The following RSRC1 variants were observed in gnomAD, a reference collection of about 807,000 sequenced individuals.
The protein encoded by RSRC1 is serine/Arginine-related protein 53.
RSRC1 carries 39 observed loss-of-function variants against 49.1 expected under a neutral mutation model. That is an observed-to-expected ratio of 0.79 (90% CI 0.61 to 1.04). RSRC1 has a LOEUF of 1.04. Ranked by LOEUF, RSRC1 falls within the 50% of genes least tolerant of loss-of-function variation. The pLI, the probability that RSRC1 is intolerant of heterozygous loss-of-function variation, is 0.00. For missense variants in RSRC1, 388 were observed against 402.4 expected (o/e 0.96, Z 0.31); for synonymous variants, 143 against 130.8 (o/e 1.09, Z -0.63).
chr3:158,384,618 G>A (rs148953173), intron 6 of RSRC1, among the ~76,000 whole-genome samples: 108 of 152,248 alleles, frequency 7.1e-4, no homozygotes, highest in Non-Finnish European at 1.4e-3. Context: ...CCTGAAAAAG[G>A]AAAGGGAAGA....
At chr3:158,238,663 T>A (rs562066867) in intron 4 of RSRC1, among the ~76,000 whole-genome samples, 4 of 152,300 alleles carry the variant, frequency 2.6e-5, no homozygotes, top group Non-Finnish European at 4.4e-5. Flanking sequence ...TGGCTAGCCA[T>A]ATGTAGAAAG....
intron 6 of RSRC1, among the ~76,000 whole-genome samples, chr3:158,380,440 C>T (rs935803203): frequency 6.6e-6 from 1 of 152,118 alleles, no homozygotes; most frequent in Non-Finnish European, 1.5e-5. Context: ...ATAGCCACTG[C>T]ACTCCAGCCT....
intron 4 of RSRC1, among the ~76,000 whole-genome samples, chr3:158,257,507 T>A (rs1361745909): frequency 6.6e-6 from 1 of 152,176 alleles, no homozygotes; most frequent in Admixed American, 6.6e-5. Flanking sequence ...TTTTCCTCCC[T>A]TTATTTTCAG....
intron 6 of RSRC1, among the ~76,000 whole-genome samples, chr3:158,407,886 G>A (rs1008867012): frequency 6.6e-6 from 1 of 152,078 alleles, no homozygotes; most frequent in African/African-American, 2.4e-5. Flanking sequence ...ACAGATCATA[G>A]AATTCTTGGG....
At chr3:158,214,696 A>G (rs1721861023) in intron 4 of RSRC1, among the ~76,000 whole-genome samples, 1 of 151,860 alleles carries the variant, frequency 6.6e-6, no homozygotes, top group Non-Finnish European at 1.5e-5. Flanking sequence ...TGGATTATTT[A>G]GATATGAAAT....
intron 1 of RSRC1, 58 bp from the exon 2 acceptor site, chr3:158,122,045 C>A: frequency 2.2e-6 from 2 of 925,066 alleles, no homozygotes; most frequent in South Asian, 2.8e-5. Context: ...TAATATATTG[C>A]ATTTCATCCA....
chr3:158,290,527 G>A (rs906278475), intron 4 of RSRC1, among the ~76,000 whole-genome samples: 2 of 151,800 alleles, frequency 1.3e-5, no homozygotes, highest in Admixed American at 1.3e-4. Flanking sequence ...CGCCCACCTT[G>A]GCCTCCCAAA....
chr3:158,383,170 G>A (rs1732793202), intron 6 of RSRC1, among the ~76,000 whole-genome samples: 1 of 152,102 alleles, frequency 6.6e-6, no homozygotes, highest in South Asian at 2.1e-4. Context: ...ACCCCTTAAG[G>A]ACATCGCTGT....
At chr3:158,217,764 G>A (rs1269543663) in intron 4 of RSRC1, among the ~76,000 whole-genome samples, 1 of 113,160 alleles carries the variant, frequency 8.8e-6, no homozygotes, top group Non-Finnish European at 1.9e-5. Context: ...GTGTGTGTGT[G>A]TGGGGGGGGA....
intron 4 of RSRC1, among the ~76,000 whole-genome samples, chr3:158,245,263 C>T (rs573988818): frequency 2.6e-5 from 4 of 152,032 alleles, no homozygotes; most frequent in African/African-American, 9.6e-5. Flanking sequence ...AGATTTCTGC[C>T]TTAATTTCGT....
At chr3:158,362,504 G>A (rs1731535086) in intron 6 of RSRC1, among the ~76,000 whole-genome samples, 1 of 152,186 alleles carries the variant, frequency 6.6e-6, no homozygotes, top group Non-Finnish European at 1.5e-5. Context: ...TTTAGATGCT[G>A]ATGTGCTCAT....
intron 6 of RSRC1, among the ~76,000 whole-genome samples, chr3:158,389,223 T>G (rs1733142511): frequency 6.6e-6 from 1 of 152,214 alleles, no homozygotes; most frequent in African/African-American, 2.4e-5. Flanking sequence ...CATCAGTTGC[T>G]TATTTTTCTG....
chr3:158,470,361 CATATATATAT>C (rs59508977), intron 7 of RSRC1, among the ~76,000 whole-genome samples: 16 of 100,308 alleles, frequency 1.6e-4, no homozygotes, highest in African/African-American at 5.3e-4. Context: ...CACACACACA[CATATATATAT>C]ATATATATAA....
chr3:158,450,312 A>G (rs966828551), intron 6 of RSRC1, among the ~76,000 whole-genome samples: 4 of 148,696 alleles, frequency 2.7e-5, no homozygotes, highest in Non-Finnish European at 5.9e-5. Flanking sequence ...CTGATAATAA[A>G]CCATGGCTTT....
At chr3:158,263,276 A>G (rs913290020) in intron 4 of RSRC1, among the ~76,000 whole-genome samples, 1 of 152,138 alleles carries the variant, frequency 6.6e-6, no homozygotes, top group Non-Finnish European at 1.5e-5. Context: ...GTGACTACTG[A>G]AACGATTATA....
At chr3:158,313,686 C>A (rs1324307573) in intron 5 of RSRC1, among the ~76,000 whole-genome samples, 1 of 152,142 alleles carries the variant, frequency 6.6e-6, no homozygotes, top group African/African-American at 2.4e-5. Flanking sequence ...GTAATTTAAT[C>A]AAATATGCCA....
At chr3:158,115,836 A>C (rs925816124) in intron 1 of RSRC1, among the ~76,000 whole-genome samples, 3 of 152,162 alleles carry the variant, frequency 2.0e-5, no homozygotes, top group African/African-American at 7.2e-5. Context: ...TCAGGTAATT[A>C]TGTCTTTCGT....
intron 4 of RSRC1, among the ~76,000 whole-genome samples, chr3:158,267,299 T>C (rs997491043): frequency 2.0e-5 from 3 of 152,212 alleles, no homozygotes; most frequent in African/African-American, 7.2e-5. Flanking sequence ...TTCAGAAGTT[T>C]GACTATCATG....
chr3:158,492,348 G>A (rs1028034010), intron 7 of RSRC1, among the ~76,000 whole-genome samples: 1 of 152,158 alleles, frequency 6.6e-6, no homozygotes, highest in Non-Finnish European at 1.5e-5. Context: ...CTTTTCCTAA[G>A]TGTTAAGTAA....
Sources: allele counts gnomAD v4.1 joint callset (sites outside exome capture counted in the v4.1 genomes callset), GRCh38; gene constraint gnomAD v4.1.1; transcripts MANE v1.5; gene names NCBI Gene and HGNC (gene_info 2026-07-23, HGNC 2026-07-21).